The following DLG2 variants were observed in gnomAD, a reference collection of about 807,000 sequenced individuals.
DLG2 encodes the protein disks large homolog 2.
Under a neutral mutation model 132.5 loss-of-function variants are expected in DLG2, and 45 were observed. The observed-to-expected ratio is 0.34, with a 90% confidence interval of 0.27 to 0.44. The LOEUF (loss-of-function observed/expected upper bound fraction) is 0.44, where lower values mean the gene tolerates loss of function less well. Ranked by LOEUF, DLG2 falls within the 20% of genes least tolerant of loss-of-function variation. The probability of loss-of-function intolerance (pLI) is 1.00; values close to 1 mark genes in which losing one functional copy is unlikely to be tolerated. For synonymous variants in DLG2, 424 were observed against 419.6 expected (o/e 1.01, Z -0.13); for missense variants, 1,045 against 1,196.9 (o/e 0.87, Z 1.87).
At chr11:83,922,275 T>C (rs790378) in intron 15 of DLG2, among the ~76,000 whole-genome samples, 105,306 of 151,920 alleles carry the variant, frequency 0.69, 37,276 homozygotes, top group Middle Eastern at 0.83. Flanking sequence ...ACAGATTGCA[T>C]TGCAGAGGAA....
rs148332646 is a variant in DLG2, at chr11:84,973,924, A to G, written c.357+137737T>C. On this transcript the variant is annotated intron_variant, in intron 6 of 27. Transcript: ENST00000376104. ...GTTTTTTCCCAACCATTTAAACCAT[A>G]AAAGCCATTCTTAGCTTGCAGATTT... Among the ~76,000 whole-genome samples the G allele has an allele frequency of 4.6e-5, 7 of 152,352 alleles. No individual in the cohort carries two copies. In the East Asian group the frequency reaches 1.2e-3, roughly 25 times the overall value.
chr11:84,261,840 T>C (rs1402870734), intron 7 of DLG2, among the ~76,000 whole-genome samples: 2 of 152,076 alleles, frequency 1.3e-5, no homozygotes, highest in Non-Finnish European at 2.9e-5. Context: ...CATGAGAAAC[T>C]CTTGGGGCAA....
At chr11:85,309,144 A>G (rs1268062931) in intron 3 of DLG2, among the ~76,000 whole-genome samples, 1 of 152,138 alleles carries the variant, frequency 6.6e-6, no homozygotes, top group Non-Finnish European at 1.5e-5. Flanking sequence ...TCTCAGTCCC[A>G]GGAGAAGATT....
At chr11:83,865,483 G>GA (rs943683202) in intron 16 of DLG2, among the ~76,000 whole-genome samples, 49 of 150,886 alleles carry the variant, frequency 3.2e-4, no homozygotes, top group African/African-American at 1.0e-3. Flanking sequence ...GAATAAAAGA[G>GA]AAAAAAAAGA....
chr11:83,476,765 C>G (rs1339550367), intron 22 of DLG2, among the ~76,000 whole-genome samples: 1 of 152,200 alleles, frequency 6.6e-6, no homozygotes, highest in Non-Finnish European at 1.5e-5. Flanking sequence ...AGTGCCACTA[C>G]TTTAATAAGG....
chr11:84,295,757 A>G (rs186498109), intron 7 of DLG2, among the ~76,000 whole-genome samples: 92 of 152,262 alleles, frequency 6.0e-4, no homozygotes, highest in African/African-American at 2.1e-3. Flanking sequence ...AAATTCAAAC[A>G]TGAATTCACA....
At chr11:83,660,009 T>A (rs2073831373) in intron 18 of DLG2, among the ~76,000 whole-genome samples, 1 of 152,226 alleles carries the variant, frequency 6.6e-6, no homozygotes, top group Non-Finnish European at 1.5e-5. Context: ...CTGTGACTTC[T>A]GACGACTAGA....
chr11:84,515,166 A>G (rs1170046056), intron 7 of DLG2, among the ~76,000 whole-genome samples: 1 of 151,842 alleles, frequency 6.6e-6, no homozygotes, highest in African/African-American at 2.4e-5. Flanking sequence ...AACAACAAGA[A>G]AATAATTCAT....
At chr11:84,878,956 A>T (rs2154052361) in intron 6 of DLG2, among the ~76,000 whole-genome samples, 1 of 152,304 alleles carries the variant, frequency 6.6e-6, no homozygotes, top group Admixed American at 6.5e-5. Flanking sequence ...AAGCAAAATT[A>T]TTGTGTGGTT....
At chr11:84,485,880 T>C (rs1367531) in intron 7 of DLG2, among the ~76,000 whole-genome samples, 24,633 of 152,104 alleles carry the variant, frequency 0.16, 2,215 homozygotes, top group South Asian at 0.22. Context: ...TTCTCACTCA[T>C]TGCAGGTTAG....
chr11:83,998,196 T>A (rs943923961), intron 11 of DLG2, among the ~76,000 whole-genome samples: 5 of 152,104 alleles, frequency 3.3e-5, no homozygotes, highest in African/African-American at 1.2e-4. Flanking sequence ...CACACTCTGG[T>A]CTTGGAATTC....
At position 84,470,437 on chromosome 11, in the gene DLG2, G is replaced by C. The variant is rs139676104; in HGVS notation, c.519+64133C>G. Among the ~76,000 whole-genome samples the C allele has an allele frequency of 6.6e-5, 10 of 151,774 alleles. No individual in the cohort carries two copies. In the East Asian group the frequency reaches 1.9e-3, roughly 30 times the overall value. ...AATAAGTCATTGTTCCTGTTGTCTA[G>C]GGGTTCGTAGTATAATGGGGAAGAA... On this transcript the variant is annotated intron_variant, in intron 7 of 27. Transcript: ENST00000376104.
chr11:85,084,889 C>T (rs974268164), intron 6 of DLG2, among the ~76,000 whole-genome samples: 1 of 152,126 alleles, frequency 6.6e-6, no homozygotes, highest in African/African-American at 2.4e-5. Flanking sequence ...GCACGAGTTT[C>T]TCAAAATGGT....
At chr11:85,342,559 G>A (rs1303018331) in intron 3 of DLG2, among the ~76,000 whole-genome samples, 2 of 152,162 alleles carry the variant, frequency 1.3e-5, no homozygotes, top group African/African-American at 4.8e-5. Context: ...AGTCAAAGGA[G>A]TACACTCTAA....
chr11:85,073,503 G>A (rs963932791), intron 6 of DLG2, among the ~76,000 whole-genome samples: 7 of 151,804 alleles, frequency 4.6e-5, no homozygotes, highest in African/African-American at 1.5e-4. Flanking sequence ...ATAAATGGTG[G>A]TAGTAAGTAT....
chr11:83,881,590 C>T (rs2066279816), intron 15 of DLG2, among the ~76,000 whole-genome samples: 1 of 152,046 alleles, frequency 6.6e-6, no homozygotes, highest in East Asian at 1.9e-4. Flanking sequence ...CACAGATCTC[C>T]CTCCAGTGTA....
intron 4 of DLG2, among the ~76,000 whole-genome samples, chr11:85,205,053 A>C (rs1457477242): frequency 6.6e-6 from 1 of 151,778 alleles, no homozygotes; most frequent in Non-Finnish European, 1.5e-5. Flanking sequence ...TAAAGTCTTA[A>C]ATGTAAAACA....
At chr11:85,090,350 TATA>T (rs751147583) in intron 6 of DLG2, among the ~76,000 whole-genome samples, 4 of 152,220 alleles carry the variant, frequency 2.6e-5, no homozygotes, top group Non-Finnish European at 5.9e-5. Context: ...TGCTATTCTC[TATA>T]ATGATATTTC....
At chr11:83,659,323 G>A (rs946718551) in intron 18 of DLG2, among the ~76,000 whole-genome samples, 1 of 152,194 alleles carries the variant, frequency 6.6e-6, no homozygotes, top group Non-Finnish European at 1.5e-5. Flanking sequence ...GATTGAGGGA[G>A]AGAGAGACAG....
Sources: allele counts gnomAD v4.1 joint callset (sites outside exome capture counted in the v4.1 genomes callset), GRCh38; gene constraint gnomAD v4.1.1; transcripts MANE v1.5; gene names NCBI Gene and HGNC (gene_info 2026-07-23, HGNC 2026-07-21).